Variants in IL1R1 observed in about 807,000 individuals in gnomAD.
IL1R1 encodes the protein interleukin 1 receptor type 1, also known as interleukin-1 receptor type 1.
A neutral mutation model predicts 50.2 loss-of-function variants in IL1R1; 22 were observed. That is an observed-to-expected ratio of 0.44 (90% CI 0.31 to 0.63). The LOEUF is 0.63. Ranked by LOEUF, IL1R1 falls within the 20% of genes least tolerant of loss-of-function variation. The pLI, the probability that IL1R1 is intolerant of heterozygous loss-of-function variation, is 0.07. For synonymous variants in IL1R1, 251 were observed against 236.7 expected, an observed-to-expected ratio of 1.06 and a Z score of -0.55; for missense variants, 509 against 676.2, an observed-to-expected ratio of 0.75 and a Z score of 2.74.
rs1411382011 is a variant in IL1R1, at chr2:102,170,898, TAA to T, written c.722-899_722-898del. The stretch of plus-strand genomic sequence containing the variant: ...CAAGATGTTGAAACACCATCTCTAC[TAA>T]AAATACAAAAATTAGCTGGGTGTGG... On this transcript the variant is annotated intron_variant, in intron 7 of 11. Transcript: ENST00000410023. 2.0e-5 allele frequency among the ~76,000 whole-genome samples: 3 copies of T among 152,206 alleles called. No individual in the cohort carries two copies. In the East Asian group the frequency reaches 5.8e-4, roughly 30 times the overall value.
At chr2:102,092,612 T>C (rs1474517684) in intron 1 of IL1R1, among the ~76,000 whole-genome samples, 3 of 152,178 alleles carry the variant, frequency 2.0e-5, no homozygotes, top group Non-Finnish European at 2.9e-5. Flanking sequence ...CTCGGGCCTG[T>C]TCTAAACGTA....
intron 1 of IL1R1, among the ~76,000 whole-genome samples, chr2:102,097,431 A>G (rs1679952864): frequency 6.6e-6 from 1 of 152,172 alleles, no homozygotes; most frequent in Non-Finnish European, 1.5e-5. Context: ...GTCTATTTGT[A>G]TATCCTTGCA....
At chr2:102,173,681 A>G (rs1407441598) in intron 9 of IL1R1, among the ~76,000 whole-genome samples, 1 of 152,202 alleles carries the variant, frequency 6.6e-6, no homozygotes, top group Non-Finnish European at 1.5e-5. Context: ...AAATGAATCT[A>G]TGGATTCCAA....
intron 1 of IL1R1, among the ~76,000 whole-genome samples, chr2:102,114,482 G>A (rs1338275605): frequency 6.6e-6 from 1 of 152,158 alleles, no homozygotes; most frequent in South Asian, 2.1e-4. Context: ...AAAGTCTCAT[G>A]TGAACCTGCC....
intron 1 of IL1R1, among the ~76,000 whole-genome samples, chr2:102,109,891 G>A (rs12987338): frequency 0.28 from 42,396 of 152,088 alleles, 6,809 homozygotes; most frequent in African/African-American, 0.45. Context: ...TCTCCTGGGC[G>A]ACTTATCTCC....
intron 1 of IL1R1, among the ~76,000 whole-genome samples, chr2:102,124,868 A>T (rs1270851260): frequency 1.3e-5 from 2 of 152,078 alleles, no homozygotes; most frequent in African/African-American, 4.8e-5. Context: ...GTGAGCTGAG[A>T]TTGTGCCATT....
At chr2:102,074,853 A>C (rs1678892023) in intron 1 of IL1R1, among the ~76,000 whole-genome samples, 1 of 152,144 alleles carries the variant, frequency 6.6e-6, no homozygotes, top group South Asian at 2.1e-4. Flanking sequence ...CTTCTTTACT[A>C]AACATTTCTG....
At chr2:102,128,327 G>A (rs146117968) in intron 1 of IL1R1, among the ~76,000 whole-genome samples, 2 of 152,208 alleles carry the variant, frequency 1.3e-5, no homozygotes, top group African/African-American at 4.8e-5. Flanking sequence ...TCAGGTACAC[G>A]AATTTTCAGT....
chr2:102,100,636 T>A (rs918314238), upstream of IL1R1, among the ~76,000 whole-genome samples: 1 of 152,236 alleles, frequency 6.6e-6, no homozygotes, highest in Non-Finnish European at 1.5e-5. Context: ...GGCCTGTTTT[T>A]AGTCATTTCA....
chr2:102,089,873 G>T (rs1679584241), intron 1 of IL1R1, among the ~76,000 whole-genome samples: 3 of 137,300 alleles, frequency 2.2e-5, no homozygotes, highest in East Asian at 2.1e-4. Flanking sequence ...TCACTCTGTT[G>T]CTCAGGCTGG....
chr2:102,082,278 ATTT>A (rs1679244638), intron 1 of IL1R1, among the ~76,000 whole-genome samples: 4 of 136,228 alleles, frequency 2.9e-5, no homozygotes, highest in African/African-American at 1.0e-4. Flanking sequence ...TAATCCTTTA[ATTT>A]AAATATTATT....
At position 102,162,662 on chromosome 2, in the gene IL1R1, A is replaced by G. The variant is rs984448915; in HGVS notation, c.62-2112A>G. Among the ~76,000 whole-genome samples the G allele has an allele frequency of 7.2e-5, 11 of 152,152 alleles. No homozygotes were observed. In the East Asian group the frequency reaches 1.2e-3, roughly 16 times the overall value. The stretch of plus-strand genomic sequence containing the variant: ...CAGGTAACACTATACAGTTTCACAT[A>G]TAGTATACAAAGTTAAGAGTATATA... On this transcript the variant is annotated intron_variant, in intron 3 of 11. Transcript: ENST00000410023.
chr2:102,164,775 T>C lies in IL1R1; in HGVS notation c.63T>C (p.Asp21=), dbSNP rs202008017. The change falls in exon 4 of 12, where the codon GAT becomes GAC. Residue 21 remains aspartate, a splice_region_variant and synonymous_variant. Coordinates refer to ENST00000410023, the MANE Select transcript of IL1R1 (RefSeq NM_000877.4). ...CTTCCACCCTTCTTCCTTTTAAAGA[T>C]AAATGCAAGGAACGTGAAGAAAAAA... is the stretch of plus-strand genomic sequence containing the variant. ...IALLISSLEA[D]KCKEREEKII... 3.1e-6 allele frequency: 5 copies of C among 1,609,354 alleles called. No individual in the cohort carries two copies. In the South Asian group the frequency reaches 4.4e-5, roughly 14 times the overall value.
intron 1 of IL1R1, among the ~76,000 whole-genome samples, chr2:102,108,694 G>A (rs552037001): frequency 2.0e-5 from 3 of 152,112 alleles, no homozygotes; most frequent in East Asian, 1.9e-4. Context: ...ATTTCGTTTA[G>A]TTTGGGTGAG....
chr2:102,089,171 C>T (rs545052021), intron 1 of IL1R1, among the ~76,000 whole-genome samples: 103 of 152,292 alleles, frequency 6.8e-4, no homozygotes, highest in Non-Finnish European at 1.2e-3. Flanking sequence ...GCTTTCATCC[C>T]ATCTTGGCTT....
chr2:102,075,366 A>G (rs1678914162), intron 1 of IL1R1, among the ~76,000 whole-genome samples: 1 of 152,188 alleles, frequency 6.6e-6, no homozygotes, highest in Admixed American at 6.5e-5. Context: ...CACTGAGGAA[A>G]TCTGGGGATC....
chr2:102,152,079 C>A (rs1183583794), intron 1 of IL1R1, among the ~76,000 whole-genome samples: 1 of 152,060 alleles, frequency 6.6e-6, no homozygotes, highest in Non-Finnish European at 1.5e-5. Flanking sequence ...CTGGGCAGTG[C>A]ATCTCAGAGG....
At chr2:102,114,569 C>A (rs1680962075) in intron 1 of IL1R1, among the ~76,000 whole-genome samples, 2 of 152,172 alleles carry the variant, frequency 1.3e-5, no homozygotes, top group South Asian at 4.1e-4. Context: ...TCTGGGCTGA[C>A]TCACAGGGAG....
chr2:102,120,182 A>G (rs537532726), intron 1 of IL1R1, among the ~76,000 whole-genome samples: 1 of 152,148 alleles, frequency 6.6e-6, no homozygotes, highest in Admixed American at 6.5e-5. Flanking sequence ...GAAACCTTTG[A>G]TGTGCATGTT....
Sources: allele counts gnomAD v4.1 joint callset (sites outside exome capture counted in the v4.1 genomes callset), GRCh38; gene constraint gnomAD v4.1.1; transcripts MANE v1.5; gene names NCBI Gene and HGNC (gene_info 2026-07-23, HGNC 2026-07-21).